The following NBEAL1 variants were observed in gnomAD, a reference collection of about 807,000 sequenced individuals.
The protein encoded by NBEAL1 is neurobeachin like 1, also known as neurobeachin-like protein 1.
A neutral mutation model predicts 351.3 loss-of-function variants in NBEAL1; 273 were observed. That is an observed-to-expected ratio of 0.78 (90% CI 0.70 to 0.86). The LOEUF is 0.86. Ranked by LOEUF, NBEAL1 falls within the 40% of genes least tolerant of loss-of-function variation. The probability of loss-of-function intolerance (pLI) is 0.00; values close to 1 mark genes in which losing one functional copy is unlikely to be tolerated. For synonymous variants in NBEAL1, 1,050 were observed against 1,086.4 expected (o/e 0.97, Z 0.66); for missense variants, 2,961 against 3,201.3 (o/e 0.92, Z 1.81).
chr2:203,128,372 T>C (rs983236918), intron 24 of NBEAL1, among the ~76,000 whole-genome samples: 5 of 150,272 alleles, frequency 3.3e-5, no homozygotes, highest in African/African-American at 1.2e-4. Context: ...GCTCCCAAAG[T>C]GCTAGGATTA....
chr2:203,070,233 G>T (rs1443075001), intron 7 of NBEAL1, among the ~76,000 whole-genome samples: 1 of 151,230 alleles, frequency 6.6e-6, no homozygotes, highest in Non-Finnish European at 1.5e-5. Flanking sequence ...TCTATTTGAG[G>T]TGCTTGTTAA....
intron 40 of NBEAL1, 117 bp from the exon 41 acceptor site, chr2:203,172,611 GA>G: frequency 2.3e-6 from 2 of 853,624 alleles, no homozygotes; most frequent in Non-Finnish European, 3.4e-6. Context: ...TTACAACAGG[GA>G]AAAAATATTT....
At chr2:203,150,627 T>C (rs2063626867) in intron 34 of NBEAL1, among the ~76,000 whole-genome samples, 1 of 152,108 alleles carries the variant, frequency 6.6e-6, no homozygotes, top group Non-Finnish European at 1.5e-5. Flanking sequence ...GTGTCATATC[T>C]AAGAAACCAT....
Position 203,127,860 on chromosome 2 carries a change from T to A in NBEAL1, c.3328T>A (p.Phe1110Ile), listed in dbSNP as rs1370253465. ...RTSLYGLIKY[F>I]LCKGGSHEEI... ...TTCTTTGTATGGACTAATTAAATAT[T>A]TTCTGTGCAAAGGTGGATCTCATGA... The change falls in exon 24 of 56, where the codon TTT becomes ATT. Residue 1110 changes from phenylalanine to isoleucine, a missense_variant. Physicochemically the swap from Phe to Ile is conservative, Grantham distance 21. Transcript: ENST00000683969. The A allele has an allele frequency of 6.5e-7, 1 of 1,550,006 alleles. No individual in the cohort carries two copies. Among genetic ancestry groups the A allele is most frequent in the Non-Finnish European group, 8.7e-7 (1 of 1,143,670 alleles).
At chr2:203,095,483 G>A (rs913489811) in intron 10 of NBEAL1, among the ~76,000 whole-genome samples, 1 of 151,922 alleles carries the variant, frequency 6.6e-6, no homozygotes, top group Admixed American at 6.5e-5. Flanking sequence ...TAGTGGAGAC[G>A]GGGTTTCCCC....
intron 19 of NBEAL1, among the ~76,000 whole-genome samples, chr2:203,123,301 G>C (rs1376549141): frequency 6.6e-6 from 1 of 150,894 alleles, no homozygotes; most frequent in African/African-American, 2.4e-5. Flanking sequence ...CCTTAATTTT[G>C]GTATAAGAAC....
chr2:203,149,049 A>G lies in NBEAL1; in HGVS notation c.5363A>G (p.Asn1788Ser). Residue 1788 changes from asparagine to serine, a missense_variant, in exon 34 of 56, where the codon AAT becomes AGT. Coordinates refer to ENST00000683969, the MANE Select transcript of NBEAL1 (RefSeq NM_001378026.1). ...CGCCAAGAGAACCTGAGGTATAATA[A>G]TATGCTTAAACAACTTAGCAGTCAA... The part of the protein sequence containing the change: ...KARQENLRYN[N>S]MLKQLSSQQL... 6.2e-7 allele frequency: 1 copy of G among 1,613,138 alleles called. No homozygotes were observed. Among genetic ancestry groups the G allele is most frequent in the Non-Finnish European group, 8.5e-7 (1 of 1,179,384 alleles).
At chr2:203,160,284 T>A (rs889125909) in intron 36 of NBEAL1, among the ~76,000 whole-genome samples, 9 of 152,160 alleles carry the variant, frequency 5.9e-5, no homozygotes, top group Admixed American at 1.3e-4. Context: ...TTTTGCCATG[T>A]CGGCCAGGCT....
intron 38 of NBEAL1, among the ~76,000 whole-genome samples, chr2:203,168,498 A>T (rs912914760): frequency 6.6e-6 from 1 of 152,156 alleles, no homozygotes; most frequent in Non-Finnish European, 1.5e-5. Flanking sequence ...CAGGAGAATC[A>T]CTTGAACCTG....
At position 203,040,596 on chromosome 2, in the gene NBEAL1, G is replaced by T. The variant is rs529565753; in HGVS notation, c.52-1169G>T. The T allele has an allele frequency of 7.4e-6, 5 of 676,846 alleles. No individual in the cohort carries two copies. The East Asian group carries it at 1.4e-4, about 19-fold the overall frequency. The allele number at this position is 676,846 out of a possible 1,614,324, so 41.9% of individuals were successfully genotyped here. A position where few individuals can be genotyped will look rare whatever the true frequency, so the allele number is the denominator to read the frequency against. On this transcript the variant is annotated intron_variant, in intron 2 of 55. Coordinates refer to ENST00000683969, the MANE Select transcript of NBEAL1 (RefSeq NM_001378026.1). ...ATGAACAAGCCAAGGTCAAGAATAA[G>T]ACCATCCCTCTGACAGACAACACAG...
chr2:203,112,230 A>G, intron 16 of NBEAL1, 132 bp downstream of exon 16: 1 of 849,966 alleles, frequency 1.2e-6, no homozygotes, highest in South Asian at 2.2e-5. Flanking sequence ...ATGTAGTAAG[A>G]CTCCACACAT....
At chr2:203,111,940 T>C in intron 15 of NBEAL1, 39 bp from the exon 16 acceptor site, 1 of 1,532,346 alleles carries the variant, frequency 6.5e-7, no homozygotes. Context: ...AAAGACATAA[T>C]GTAATTTTAT....
At chr2:203,028,266 C>T (rs1233367256) in intron 2 of NBEAL1, among the ~76,000 whole-genome samples, 1 of 151,792 alleles carries the variant, frequency 6.6e-6, no homozygotes, top group Non-Finnish European at 1.5e-5. Flanking sequence ...ATCCTTATGC[C>T]TCGGCCTCCC....
At chr2:203,156,033 C>T (rs1469865942) in intron 35 of NBEAL1, among the ~76,000 whole-genome samples, 2 of 152,134 alleles carry the variant, frequency 1.3e-5, no homozygotes, top group African/African-American at 2.4e-5. Context: ...ACACAGTCTC[C>T]GTATGACATT....
chr2:203,141,366 A>ATTAT (rs1185870312), intron 31 of NBEAL1, among the ~76,000 whole-genome samples: 3 of 9,110 alleles, frequency 3.3e-4, no homozygotes, highest in Non-Finnish European at 7.7e-4. Flanking sequence ...TATTATTATT[A>ATTAT]TTTTTTTTTT....
At chr2:203,174,615 G>A (rs2106420061) in intron 41 of NBEAL1, among the ~76,000 whole-genome samples, 1 of 152,140 alleles carries the variant, frequency 6.6e-6, no homozygotes, top group East Asian at 1.9e-4. Flanking sequence ...ATTCCAGGCT[G>A]GGTACGGTGG....
intron 2 of NBEAL1, among the ~76,000 whole-genome samples, chr2:203,034,477 A>ATTT (rs2061009299): frequency 1.2e-5 from 1 of 83,970 alleles, no homozygotes. Context: ...TTTTTTTTTG[A>ATTT]GATGGAGTTT....
rs186796424 is a variant in NBEAL1, at chr2:203,032,386, G to C, written c.52-9379G>C. Among the ~76,000 whole-genome samples, 791 of 152,154 alleles carry C rather than the reference G, an allele frequency of 5.2e-3. 4 individuals are homozygous for C. Among genetic ancestry groups the C allele is most frequent in the African/African-American group, 0.018 (734 of 41,528 alleles). On this transcript the variant is annotated intron_variant, in intron 2 of 55. Coordinates refer to ENST00000683969, the MANE Select transcript of NBEAL1 (RefSeq NM_001378026.1). ...TAAGAAGATAAGAACAGCTGGGCAC[G>C]GTGGCTCACACCTGTAATCCCAGCA... is the stretch of plus-strand genomic sequence containing the variant.
chr2:203,065,355 G>A (rs2061564986), intron 6 of NBEAL1, among the ~76,000 whole-genome samples: 1 of 152,090 alleles, frequency 6.6e-6, no homozygotes, highest in Non-Finnish European at 1.5e-5. Flanking sequence ...TGCATCTTTT[G>A]CCAGAACTTG....
Sources: gnomAD v4.1 joint callset for allele counts (sites outside exome capture counted in the v4.1 genomes callset) on GRCh38, gnomAD v4.1.1 for gene constraint, MANE v1.5 for transcripts, NCBI Gene and HGNC (gene_info 2026-07-23, HGNC 2026-07-21) for gene names.